The following SNPH variants were observed in gnomAD, a reference collection of about 807,000 sequenced individuals.
SNPH encodes syntaphilin.
SNPH carries 10 observed loss-of-function variants against 36.8 expected under a neutral mutation model. That is an observed-to-expected ratio of 0.27 (90% CI 0.17 to 0.46). SNPH has a LOEUF of 0.46. Among genes scored for constraint, SNPH ranks in the 20% least tolerant of loss-of-function variants. SNPH has a pLI of 1.00. For missense variants in SNPH, 622 were observed against 744.0 expected (o/e 0.84, Z 1.91); for synonymous variants, 281 against 312.2 (o/e 0.90, Z 1.05).
Position 1,305,206 on chromosome 20 carries a change from T to A in SNPH, c.769T>A (p.Ser257Thr). 6.2e-7 allele frequency: 1 copy of A among 1,611,858 alleles called. No individual in the cohort carries two copies. Among genetic ancestry groups the A allele is most frequent in the South Asian group, 1.1e-5 (1 of 91,018 alleles). ...CCCTGCCCGCTCCCTCACCCGCAGC[T>A]CCACCTACACCAAGCTGAGTGACCC... is the stretch of plus-strand genomic sequence containing the variant. ...GSPARSLTRSSTYTKLSDPAV... is the reference protein window; with the variant it reads ...GSPARSLTRSTTYTKLSDPAV... Residue 257 changes from serine (S) to threonine (T), a missense_variant, in exon 7 of 7, where the codon TCC becomes ACC. Physicochemically the swap from Ser to Thr is moderately conservative, Grantham distance 58. Around this residue, in one of 3 missense-constraint regions of SNPH, gnomAD observed 379 missense variants for 427.9 expected, o/e 0.89. Coordinates refer to ENST00000381867, the MANE Select transcript of SNPH (RefSeq NM_001318234.2).
intron 2 of SNPH, among the ~76,000 whole-genome samples, chr20:1,286,259 C>T (rs2088283234): frequency 6.6e-6 from 1 of 152,082 alleles, no homozygotes; most frequent in African/African-American, 2.4e-5. Context: ...TATTAATCAC[C>T]CACCCTCTTC....
chr20:1,273,573 T>G (rs1327533111), intron 2 of SNPH, among the ~76,000 whole-genome samples: 3 of 152,036 alleles, frequency 2.0e-5, no homozygotes, highest in Non-Finnish European at 4.4e-5. Context: ...GCCTGACACA[T>G]AGAAATATTA....
intron 2 of SNPH, among the ~76,000 whole-genome samples, chr20:1,290,350 T>C (rs1156627386): frequency 6.6e-6 from 1 of 152,232 alleles, no homozygotes; most frequent in Non-Finnish European, 1.5e-5. Flanking sequence ...CCATTACCAG[T>C]CATTCCCTGT....
rs761385862 is a variant in SNPH at position 1,305,847 on chromosome 20, C to T, written c.1410C>T (p.Ile470=). ...AGAGCTACTGGAGCCGCCACTACATCGTGGATCTGCTGGCTGTGGTGGTGC... is the reference window on the plus strand; with the variant it reads ...AGAGCTACTGGAGCCGCCACTACATTGTGGATCTGCTGGCTGTGGTGGTGC... ...EPKSYWSRHY[I]VDLLAVVVPA... is the part of the protein sequence containing the mutation. Residue 470 remains isoleucine (I), a synonymous_variant, in exon 7 of 7, where the codon ATC becomes ATT. Transcript: ENST00000381867. The T allele has an allele frequency of 2.1e-5, 34 of 1,593,580 alleles. No homozygotes were observed. The highest frequency in any genetic ancestry group is 1.9e-4 in the Admixed American group (11 of 57,054).
chr20:1,290,218 A>G (rs570181548), intron 2 of SNPH, among the ~76,000 whole-genome samples: 1 of 152,114 alleles, frequency 6.6e-6, no homozygotes, highest in South Asian at 2.1e-4. Context: ...TCTCAAAAAA[A>G]AAAAAATTAA....
chr20:1,287,270 C>T (rs182565095), intron 2 of SNPH, among the ~76,000 whole-genome samples: 9 of 152,314 alleles, frequency 5.9e-5, no homozygotes, highest in Admixed American at 5.2e-4. Flanking sequence ...CCCTTCTTCC[C>T]TGGGCCTCTG....
intron 2 of SNPH, among the ~76,000 whole-genome samples, chr20:1,292,739 T>A (rs1004583348): frequency 1.3e-5 from 2 of 152,214 alleles, no homozygotes; most frequent in Non-Finnish European, 2.9e-5. Context: ...ACTGTACTTC[T>A]GCCCTCAACA....
Position 1,305,249 on chromosome 20 carries a change from G to T in SNPH, c.812G>T (p.Arg271Leu), listed in dbSNP as rs191018281. Residue 271 changes from arginine (R) to leucine (L), a missense_variant, in exon 7 of 7, where the codon CGC becomes CTC. Arg to Leu is a moderately radical substitution (Grantham distance 102, BLOSUM62 -2). Around this residue, in one of 3 missense-constraint regions of SNPH, gnomAD observed 379 missense variants for 427.9 expected, o/e 0.89. Coordinates refer to ENST00000381867, the MANE Select transcript of SNPH (RefSeq NM_001318234.2). The part of the protein sequence containing the change: ...KLSDPAVCGD[R>L]QPGDPSSGSA... Reference sequence around the variant, plus strand: ...AGTGACCCGGCTGTCTGTGGTGACCGCCAGCCGGGTGATCCCTCCAGCGGC... The same window carrying T: ...AGTGACCCGGCTGTCTGTGGTGACCTCCAGCCGGGTGATCCCTCCAGCGGC... 5.0e-5 allele frequency: 80 copies of T among 1,610,726 alleles called. No homozygotes were observed. In the East Asian group the frequency reaches 6.0e-4, roughly 12 times the overall value.
intron 2 of SNPH, among the ~76,000 whole-genome samples, chr20:1,288,595 A>G (rs1302551340): frequency 1.3e-5 from 2 of 151,950 alleles, no homozygotes; most frequent in African/African-American, 4.8e-5. Context: ...AGTTAGGGAG[A>G]AGGCACATGA....
At chr20:1,278,685 T>C (rs1033957563) in intron 2 of SNPH, among the ~76,000 whole-genome samples, 2 of 152,186 alleles carry the variant, frequency 1.3e-5, no homozygotes, top group African/African-American at 4.8e-5. Flanking sequence ...GTTTATTCCT[T>C]TTTTTTCTTT....
At chr20:1,300,121 G>A (rs1012963654) in intron 5 of SNPH, among the ~76,000 whole-genome samples, 5 of 152,174 alleles carry the variant, frequency 3.3e-5, no homozygotes, top group Admixed American at 3.3e-4. Context: ...GTTGGAAGAC[G>A]AGGTACCTGG....
At chr20:1,301,292 G>C (rs2088505583) in intron 6 of SNPH, among the ~76,000 whole-genome samples, 1 of 152,046 alleles carries the variant, frequency 6.6e-6, no homozygotes, top group African/African-American at 2.4e-5. Flanking sequence ...TCATTCTCAA[G>C]TGCTTAATCC....
chr20:1,282,998 T>C (rs979373602), intron 2 of SNPH, among the ~76,000 whole-genome samples: 1 of 152,162 alleles, frequency 6.6e-6, no homozygotes, highest in African/African-American at 2.4e-5. Flanking sequence ...ACAGAGCCAG[T>C]GTAGGCTGAG....
At chr20:1,283,837 A>G (rs1203504320) in intron 2 of SNPH, among the ~76,000 whole-genome samples, 1 of 152,122 alleles carries the variant, frequency 6.6e-6, no homozygotes, top group Admixed American at 6.5e-5. Flanking sequence ...TCTGCTGAGA[A>G]GGAGGAGAAG....
intron 2 of SNPH, among the ~76,000 whole-genome samples, chr20:1,278,172 C>CTG (rs565229768): frequency 6.9e-6 from 1 of 145,730 alleles, no homozygotes; most frequent in Non-Finnish European, 1.5e-5. Flanking sequence ...GCCGGTGTGT[C>CTG]TGTGTGTGTG....
In SNPH at chr20:1,266,347, A is replaced by C; in HGVS notation, c.-650A>C. Reference sequence around the variant, plus strand: ...GCCGCCTCCTGCAGGGGCTCGGGAGAGCAATTCGGCGGCCCCTGCAGGGCA... The same window carrying C: ...GCCGCCTCCTGCAGGGGCTCGGGAGCGCAATTCGGCGGCCCCTGCAGGGCA... On this transcript the variant is annotated 5_prime_UTR_variant, in exon 1 of 7. Transcript: ENST00000381867. The surrounding 1 kb of genome is among the most constrained non-coding windows in gnomAD (Gnocchi z 6.0). 1 of 228,022 alleles carries C rather than the reference A, an allele frequency of 4.4e-6. No homozygotes were observed. The highest frequency in any genetic ancestry group is 8.4e-6 in the Non-Finnish European group (1 of 118,926). 14.1% of individuals were successfully genotyped at this position (228,022 alleles called of 1,614,324 possible). A position where few individuals can be genotyped will look rare whatever the true frequency, so the allele number is the denominator to read the frequency against.
At chr20:1,299,389 A>G (rs1412428624) in intron 5 of SNPH, among the ~76,000 whole-genome samples, 3 of 152,198 alleles carry the variant, frequency 2.0e-5, no homozygotes, top group African/African-American at 7.2e-5. Flanking sequence ...CGCGAGATAC[A>G]TGCCCAGGTT....
chr20:1,303,144 G>A lies in SNPH; in HGVS notation c.441-1734G>A, dbSNP rs542615359. On this transcript the variant is annotated intron_variant, in intron 6 of 6. Transcript: ENST00000381867. Reference sequence around the variant, plus strand: ...TCTCCCCACACTCTCTCCATATGGAGTTTCATGCCTGTGCTTCCTGCAGTG... The same window carrying A: ...TCTCCCCACACTCTCTCCATATGGAATTTCATGCCTGTGCTTCCTGCAGTG... Among the ~76,000 whole-genome samples the A allele has an allele frequency of 2.0e-5, 3 of 152,394 alleles. No individual in the cohort carries two copies. In the East Asian group the frequency reaches 5.8e-4, roughly 29 times the overall value.
Position 1,266,540 on chromosome 20 carries a change from T to G in SNPH, c.-599-114T>G. 7.4e-7 allele frequency: 1 copy of G among 1,356,870 alleles called. No homozygotes were observed. Among genetic ancestry groups the G allele is most frequent in the Middle Eastern group, 2.7e-4 (1 of 3,666 alleles). The allele number at this position is 1,356,870 out of a possible 1,614,324, so 84.1% of individuals were successfully genotyped here. A position where few individuals can be genotyped will look rare whatever the true frequency, so the allele number is the denominator to read the frequency against. On this transcript the variant is annotated intron_variant, in intron 1 of 6. Transcript: ENST00000381867. The surrounding 1 kb of genome is among the most constrained non-coding windows in gnomAD (Gnocchi z 6.0). ...GGAGCACCCGGCAGGCAGCCTGCCC[T>G]CCAAGCCTTCTGGCTGCAGCGGCCC...
Sources: gnomAD v4.1 joint callset for allele counts (sites outside exome capture counted in the v4.1 genomes callset) on GRCh38, gnomAD v4.1.1 for gene constraint, gnomAD v4.1.1 regional missense constraint, Gnocchi (gnomAD v3.1) non-coding constraint, MANE v1.5 for transcripts, NCBI Gene and HGNC (gene_info 2026-07-23, HGNC 2026-07-21) for gene names.